SLC39A10: variants seen among roughly 807,000 people sequenced by gnomAD.
The protein encoded by SLC39A10 is solute carrier family 39 member 10.
SLC39A10 carries 13 observed loss-of-function variants against 65.1 expected under a neutral mutation model. The observed-to-expected ratio is 0.20, with a 90% CI of 0.13 to 0.32. SLC39A10 has a LOEUF of 0.32. Ranked by LOEUF, SLC39A10 falls within the 10% of genes least tolerant of loss-of-function variation. The pLI is 1.00. For missense variants in SLC39A10, 831 were observed against 1,018.4 expected (o/e 0.82, Z 2.50); for synonymous variants, 321 against 342.2 (o/e 0.94, Z 0.68).
Position 195,661,770 on chromosome 2 carries a change from T to C in SLC39A10, c.-12+4489T>C, listed in dbSNP as rs553079400. On this transcript the variant is annotated intron_variant, in intron 1 of 9. Transcript: ENST00000359634. ...AAAAGATGTTAGAATAGGATGCTAC[T>C]GGTGATACAGGTTTGCAGGCTTGTA... is the stretch of plus-strand genomic sequence containing the variant. Among the ~76,000 whole-genome samples, 3 of 152,346 alleles carry C rather than the reference T, an allele frequency of 2.0e-5. No individual in the cohort carries two copies. The South Asian group carries it at 6.2e-4, about 32-fold the overall frequency.
At chr2:195,724,924 G>A (rs1692181217) in intron 8 of SLC39A10, among the ~76,000 whole-genome samples, 2 of 152,074 alleles carry the variant, frequency 1.3e-5, no homozygotes, top group Non-Finnish European at 2.9e-5. Flanking sequence ...TGGAATTGGT[G>A]AAAGAGTAGA....
At chr2:195,718,671 A>G (rs184386343) in intron 8 of SLC39A10, among the ~76,000 whole-genome samples, 131 of 152,330 alleles carry the variant, frequency 8.6e-4, no homozygotes, top group Non-Finnish European at 1.5e-3. Context: ...TTTATTTCAT[A>G]TACCATGTAG....
At chr2:195,706,342 G>A (rs1691395215) in intron 3 of SLC39A10, among the ~76,000 whole-genome samples, 1 of 149,924 alleles carries the variant, frequency 6.7e-6, no homozygotes, top group South Asian at 2.2e-4. Context: ...GTGAATCACA[G>A]CCTTCAGTCA....
chr2:195,674,203 T>TTAA (rs1689987264), intron 1 of SLC39A10, among the ~76,000 whole-genome samples: 1 of 151,858 alleles, frequency 6.6e-6, no homozygotes, highest in Admixed American at 6.5e-5. Flanking sequence ...AAATATACCA[T>TTAA]ATTTATTTAT....
chr2:195,663,263 T>G (rs1288803477), intron 1 of SLC39A10, among the ~76,000 whole-genome samples: 6 of 152,162 alleles, frequency 3.9e-5, no homozygotes, highest in African/African-American at 1.4e-4. Context: ...CAAAACTGCA[T>G]GCTTACAGGC....
At chr2:195,662,360 C>T (rs1226790046) in intron 1 of SLC39A10, among the ~76,000 whole-genome samples, 1 of 151,728 alleles carries the variant, frequency 6.6e-6, no homozygotes, top group East Asian at 1.9e-4. Flanking sequence ...CCCTGACCTC[C>T]TGGGCTTGGG....
At chr2:195,634,053 A>C (rs1688649638) in intron 2 of SLC39A10, among the ~76,000 whole-genome samples, 1 of 152,222 alleles carries the variant, frequency 6.6e-6, no homozygotes, top group African/African-American at 2.4e-5. Context: ...TCAAACTCAC[A>C]TGCAGGTATC....
intron 2 of SLC39A10, among the ~76,000 whole-genome samples, chr2:195,681,936 A>T (rs1038560524): frequency 7.2e-5 from 11 of 152,154 alleles, no homozygotes; most frequent in African/African-American, 2.7e-4. Flanking sequence ...TCTCTGTGTC[A>T]CTTTATGATA....
chr2:195,634,208 T>C (rs1688654076), intron 2 of SLC39A10, among the ~76,000 whole-genome samples: 1 of 152,246 alleles, frequency 6.6e-6, no homozygotes, highest in South Asian at 2.1e-4. Context: ...GAATAACGAA[T>C]ACTTTTCTAT....
chr2:195,684,478 C>T (rs1690448668), intron 3 of SLC39A10, among the ~76,000 whole-genome samples: 1 of 152,072 alleles, frequency 6.6e-6, no homozygotes, highest in African/African-American at 2.4e-5. Flanking sequence ...CTTGGCTCCA[C>T]CTTGGTGTTC....
At chr2:195,732,099 C>T (rs905856392) in intron 9 of SLC39A10, among the ~76,000 whole-genome samples, 1 of 152,134 alleles carries the variant, frequency 6.6e-6, no homozygotes, top group African/African-American at 2.4e-5. Context: ...AAAATGGATC[C>T]ATATTGTCGT....
chr2:195,719,197 C>T (rs1238429363), intron 8 of SLC39A10, among the ~76,000 whole-genome samples: 2 of 151,446 alleles, frequency 1.3e-5, no homozygotes, highest in African/African-American at 4.9e-5. Context: ...AAATGAGCTG[C>T]ACTTTTTTTT....
chr2:195,689,607 G>A (rs1418117516), intron 3 of SLC39A10, among the ~76,000 whole-genome samples: 1 of 151,922 alleles, frequency 6.6e-6, no homozygotes, highest in African/African-American at 2.4e-5. Flanking sequence ...ATACAGTTTG[G>A]TGATATTAAA....
chr2:195,675,380 T>C (rs1259076194), intron 1 of SLC39A10, among the ~76,000 whole-genome samples: 1 of 152,212 alleles, frequency 6.6e-6, no homozygotes, highest in Non-Finnish European at 1.5e-5. Flanking sequence ...CCCACTTTGG[T>C]TGAGTGTTCT....
chr2:195,701,435 CTTT>C (rs66525117), intron 3 of SLC39A10, among the ~76,000 whole-genome samples: 38 of 5,498 alleles, frequency 6.9e-3, no homozygotes, highest in East Asian at 0.014. Context: ...TTCTGTGATT[CTTT>C]TTTTTTTTTT....
intron 2 of SLC39A10, among the ~76,000 whole-genome samples, chr2:195,624,052 C>CT (rs1688407729): frequency 6.6e-6 from 1 of 151,992 alleles, no homozygotes; most frequent in Admixed American, 6.6e-5. Flanking sequence ...AGATCATTTA[C>CT]CAGTCAAAAT....
At chr2:195,613,999 C>G (rs899682290) in intron 2 of SLC39A10, among the ~76,000 whole-genome samples, 7 of 152,188 alleles carry the variant, frequency 4.6e-5, no homozygotes, top group Admixed American at 1.3e-4. Flanking sequence ...TCGGGTCCTT[C>G]ATATTCAGAC....
rs543344890 is a variant in SLC39A10, at chr2:195,695,070, G to C, written c.1216+11164G>C. Among the ~76,000 whole-genome samples the C allele has an allele frequency of 6.6e-5, 10 of 152,296 alleles. No homozygotes were observed. The South Asian group carries it at 2.1e-3, about 32-fold the overall frequency. On this transcript the variant is annotated intron_variant, in intron 3 of 9. Transcript: ENST00000359634. ...AAGAAGAGGGGCCAGGCTTCTCCCAGCTGCAAACGGAGGCAACTTCCTGAG... is the reference window on the plus strand; with the variant it reads ...AAGAAGAGGGGCCAGGCTTCTCCCACCTGCAAACGGAGGCAACTTCCTGAG...
chr2:195,702,603 G>A (rs1691235663), intron 3 of SLC39A10, among the ~76,000 whole-genome samples: 1 of 152,138 alleles, frequency 6.6e-6, no homozygotes, highest in African/African-American at 2.4e-5. Flanking sequence ...TTTTAACCAT[G>A]TTTAAGTATA....
Sources: allele counts gnomAD v4.1 joint callset (sites outside exome capture counted in the v4.1 genomes callset), GRCh38; gene constraint gnomAD v4.1.1; transcripts MANE v1.5; gene names NCBI Gene and HGNC (gene_info 2026-07-23, HGNC 2026-07-21).